CDH11: variants seen among roughly 807,000 people sequenced by gnomAD.
CDH11 encodes cadherin 11.
Under a neutral mutation model 67.8 loss-of-function variants are expected in CDH11, and 11 were observed. The ratio of observed to expected loss-of-function variants is 0.16; its 90% CI spans 0.10 to 0.27. The LOEUF (loss-of-function observed/expected upper bound fraction) is 0.27. Ranked by LOEUF, CDH11 falls within the 10% of genes least tolerant of loss-of-function variation. CDH11 has a pLI of 1.00. For missense variants in CDH11, 847 were observed against 1,031.2 expected (o/e 0.82, Z 2.45); for synonymous variants, 419 against 400.0 (o/e 1.05, Z -0.57).
intron 1 of CDH11, among the ~76,000 whole-genome samples, chr16:65,061,382 C>T (rs116982635): frequency 0.05 from 7,551 of 152,142 alleles, 264 homozygotes; most frequent in South Asian, 0.19. Context: ...TACTTGATGT[C>T]AAATGACAGG....
intron 2 of CDH11, among the ~76,000 whole-genome samples, chr16:65,015,523 GA>G (rs1366493088): frequency 6.6e-6 from 1 of 151,884 alleles, no homozygotes; most frequent in Admixed American, 6.6e-5. Context: ...GCATCAAGAG[GA>G]AAAAGATAAT....
chr16:65,056,208 G>A (rs1006202558), intron 1 of CDH11, among the ~76,000 whole-genome samples: 14 of 152,178 alleles, frequency 9.2e-5, no homozygotes, highest in African/African-American at 3.4e-4. Context: ...TCAAATACTC[G>A]ATATTACTGT....
At chr16:65,067,006 A>T (rs1180750828) in intron 1 of CDH11, among the ~76,000 whole-genome samples, 1 of 152,210 alleles carries the variant, frequency 6.6e-6, no homozygotes, top group Admixed American at 6.5e-5. Context: ...TTCCTGGGGT[A>T]TCCCAAAGGC....
chr16:65,015,084 C>T (rs1362725825), intron 2 of CDH11, among the ~76,000 whole-genome samples: 2 of 150,068 alleles, frequency 1.3e-5, no homozygotes, highest in Non-Finnish European at 3.0e-5. Flanking sequence ...GTTGGTCAGG[C>T]TGCTCTCGAA....
chr16:64,970,119 C>A (rs528412574), intron 11 of CDH11, among the ~76,000 whole-genome samples: 5 of 152,236 alleles, frequency 3.3e-5, no homozygotes, highest in Admixed American at 3.3e-4. Flanking sequence ...CTACATATAA[C>A]TTCCTTCACA....
In CDH11 at chr16:65,047,499, G is replaced by A. The variant is rs544948791; in HGVS notation, c.-173+6305C>T. 4.6e-5 allele frequency among the ~76,000 whole-genome samples: 7 copies of A among 151,788 alleles called. No individual in the cohort carries two copies. The South Asian group carries it at 1.5e-3, about 32-fold the overall frequency. The stretch of plus-strand genomic sequence containing the variant: ...CCCGAGCAGCTGGGACTACAGGCAC[G>A]CACCACCATGCTCAGCTGATTTTTG... On this transcript the variant is annotated intron_variant, in intron 2 of 12. Transcript: ENST00000268603.
chr16:65,024,102 T>C (rs1437894914), intron 2 of CDH11, among the ~76,000 whole-genome samples: 1 of 152,192 alleles, frequency 6.6e-6, no homozygotes, highest in Non-Finnish European at 1.5e-5. Flanking sequence ...CAGGTAGAAG[T>C]GAATATTGCC....
intron 8 of CDH11, among the ~76,000 whole-genome samples, chr16:64,980,155 G>T (rs1173495789): frequency 1.3e-5 from 2 of 152,094 alleles, no homozygotes; most frequent in Admixed American, 6.6e-5. Context: ...AGTGGTAATG[G>T]TTGAACATCT....
chr16:65,038,574 A>G (rs1275819262), intron 2 of CDH11, among the ~76,000 whole-genome samples: 4 of 152,182 alleles, frequency 2.6e-5, no homozygotes, highest in Non-Finnish European at 1.5e-5. Context: ...TCTATATTTA[A>G]CAGACAGGAC....
rs535963467 is a variant in CDH11, at chr16:64,956,497, T to C, written c.1643-5479A>G. 2.0e-5 allele frequency among the ~76,000 whole-genome samples: 3 copies of C among 152,352 alleles called. No individual in the cohort carries two copies. In the East Asian group the frequency reaches 5.8e-4, roughly 29 times the overall value. ...TAAGAAAATATTTCATATTCTTCAG[T>C]CCTGGACAATATATTTCCCATGACA... On this transcript the variant is annotated intron_variant, in intron 11 of 12. Transcript: ENST00000268603.
chr16:65,034,780 G>A (rs73579797), intron 2 of CDH11, among the ~76,000 whole-genome samples: 1 of 152,018 alleles, frequency 6.6e-6, no homozygotes, highest in South Asian at 2.1e-4. Flanking sequence ...CAGGGTGCAC[G>A]TGGCTGTATC....
At chr16:65,024,114 T>C (rs1333179004) in intron 2 of CDH11, among the ~76,000 whole-genome samples, 2 of 152,182 alleles carry the variant, frequency 1.3e-5, no homozygotes, top group African/African-American at 4.8e-5. Context: ...AATATTGCCT[T>C]TCCTTTGGAT....
intron 11 of CDH11, among the ~76,000 whole-genome samples, chr16:64,966,488 T>G (rs2071831589): frequency 6.6e-6 from 1 of 151,756 alleles, no homozygotes; most frequent in East Asian, 1.9e-4. Context: ...TGTATAAAAT[T>G]ATTAAAGAAA....
intron 1 of CDH11, among the ~76,000 whole-genome samples, chr16:65,068,767 A>T (rs1221152661): frequency 6.6e-6 from 1 of 152,204 alleles, no homozygotes; most frequent in Admixed American, 6.5e-5. Context: ...CATTCGCTTT[A>T]ATTTCTTATT....
intron 8 of CDH11, among the ~76,000 whole-genome samples, chr16:64,977,390 A>G (rs1391620744): frequency 6.6e-6 from 1 of 152,160 alleles, no homozygotes; most frequent in African/African-American, 2.4e-5. Flanking sequence ...CAAATAATCA[A>G]TTGCAGATGT....
intron 1 of CDH11, among the ~76,000 whole-genome samples, chr16:65,120,727 C>T (rs1816311723): frequency 1.3e-5 from 2 of 152,186 alleles, no homozygotes; most frequent in African/African-American, 4.8e-5. Context: ...AACAGGGCTT[C>T]TTCTAGCACC....
At chr16:65,104,645 C>T (rs974699381) in intron 1 of CDH11, among the ~76,000 whole-genome samples, 1 of 152,146 alleles carries the variant, frequency 6.6e-6, no homozygotes, top group South Asian at 2.1e-4. Context: ...TGGCACTGCG[C>T]TTTTAATCAC....
intron 1 of CDH11, among the ~76,000 whole-genome samples, chr16:65,076,168 G>T (rs1281425285): frequency 6.6e-6 from 1 of 152,110 alleles, no homozygotes; most frequent in Non-Finnish European, 1.5e-5. Context: ...CCCAAATCCT[G>T]CCTCACCACT....
At chr16:64,958,421 T>G (rs1005437127) in intron 11 of CDH11, among the ~76,000 whole-genome samples, 26 of 152,112 alleles carry the variant, frequency 1.7e-4, no homozygotes, top group Admixed American at 1.6e-3. Flanking sequence ...TTATTTAAAT[T>G]GAAGCAAATT....
Sources: gnomAD v4.1 joint callset for allele counts (sites outside exome capture counted in the v4.1 genomes callset) on GRCh38, gnomAD v4.1.1 for gene constraint, MANE v1.5 for transcripts, NCBI Gene and HGNC (gene_info 2026-07-23, HGNC 2026-07-21) for gene names.